NKAIN2: variants seen among roughly 807,000 people sequenced by gnomAD.
The protein encoded by NKAIN2 is sodium/potassium-transporting ATPase subunit beta-1-interacting protein 2.
In NKAIN2, 14 loss-of-function variants were observed where a neutral mutation model predicts 32.6. The observed-to-expected ratio is 0.43, with a 90% CI of 0.28 to 0.67. NKAIN2 has a LOEUF of 0.67. NKAIN2 is among the 30% of genes least tolerant of loss of function. The pLI, the probability that NKAIN2 is intolerant of heterozygous loss-of-function variation, is 0.17. For missense variants in NKAIN2, 198 were observed against 258.3 expected (o/e 0.77, Z 1.60); for synonymous variants, 80 against 87.2 (o/e 0.92, Z 0.46).
intron 1 of NKAIN2, among the ~76,000 whole-genome samples, chr6:124,007,359 T>G (rs1186328906): frequency 6.6e-6 from 1 of 152,140 alleles, no homozygotes; most frequent in Non-Finnish European, 1.5e-5. Flanking sequence ...ATAAGTAGAT[T>G]TTATGTCCCC....
At chr6:124,151,673 C>T (rs1276809602) in intron 1 of NKAIN2, among the ~76,000 whole-genome samples, 1 of 151,922 alleles carries the variant, frequency 6.6e-6, no homozygotes, top group Non-Finnish European at 1.5e-5. Context: ...ATTGTCTACC[C>T]TTTTCATTTT....
At chr6:124,300,319 A>G (rs1325874794) in intron 2 of NKAIN2, among the ~76,000 whole-genome samples, 1 of 152,142 alleles carries the variant, frequency 6.6e-6, no homozygotes, top group African/African-American at 2.4e-5. Flanking sequence ...GCTGCCACCC[A>G]TGTAACACAT....
chr6:123,848,285 C>G (rs9490966), intron 1 of NKAIN2, among the ~76,000 whole-genome samples: 2 of 152,152 alleles, frequency 1.3e-5, no homozygotes, highest in Admixed American at 1.3e-4. Flanking sequence ...TGCCAACTAC[C>G]GTATGATTCT....
chr6:124,483,530 A>G (rs964105639), intron 3 of NKAIN2, among the ~76,000 whole-genome samples: 4 of 152,142 alleles, frequency 2.6e-5, no homozygotes, highest in Non-Finnish European at 5.9e-5. Context: ...TTTTAGTTTA[A>G]ACCTAGAAAA....
intron 1 of NKAIN2, among the ~76,000 whole-genome samples, chr6:123,910,589 C>T (rs777767849): frequency 6.7e-6 from 1 of 148,748 alleles, no homozygotes; most frequent in Non-Finnish European, 1.5e-5. Flanking sequence ...TTGCAACCTC[C>T]GCCTCTCAGG....
chr6:123,930,860 T>C (rs1305244172), intron 1 of NKAIN2, among the ~76,000 whole-genome samples: 2 of 152,102 alleles, frequency 1.3e-5, no homozygotes, highest in Non-Finnish European at 2.9e-5. Context: ...CAGAACTAAG[T>C]AGAAGAGTGT....
intron 4 of NKAIN2, among the ~76,000 whole-genome samples, chr6:124,680,293 C>T (rs1773553685): frequency 6.6e-6 from 1 of 152,080 alleles, no homozygotes; most frequent in African/African-American, 2.4e-5. Flanking sequence ...CCAAGAGATG[C>T]TGTGGCAGTT....
At chr6:124,704,284 A>C (rs1483059195) in intron 4 of NKAIN2, among the ~76,000 whole-genome samples, 1 of 151,578 alleles carries the variant, frequency 6.6e-6, no homozygotes, top group Non-Finnish European at 1.5e-5. Context: ...GCTTCCTAGA[A>C]AAAAAAATCA....
intron 4 of NKAIN2, among the ~76,000 whole-genome samples, chr6:124,745,365 G>T (rs528814160): frequency 2.0e-5 from 3 of 151,806 alleles, no homozygotes. Context: ...AGATTTTACC[G>T]TCTAATATGA....
intron 1 of NKAIN2, among the ~76,000 whole-genome samples, chr6:124,230,973 G>A (rs12528116): frequency 0.13 from 19,521 of 152,128 alleles, 1,595 homozygotes; most frequent in East Asian, 0.21. Context: ...GGCAGCTTGC[G>A]CTCTGCATCT....
intron 3 of NKAIN2, among the ~76,000 whole-genome samples, chr6:124,483,231 C>T (rs1321441830): frequency 6.6e-6 from 1 of 152,052 alleles, no homozygotes; most frequent in South Asian, 2.1e-4. Context: ...TATCAAGTTC[C>T]GATGATCATA....
chr6:124,412,143 G>A (rs524030), intron 3 of NKAIN2, among the ~76,000 whole-genome samples: 23,294 of 151,970 alleles, frequency 0.15, 2,208 homozygotes, highest in East Asian at 0.24. Flanking sequence ...CCTTTAGCTC[G>A]GAGTAGTTCG....
intron 3 of NKAIN2, among the ~76,000 whole-genome samples, chr6:124,367,310 G>A (rs928037119): frequency 6.6e-6 from 1 of 152,112 alleles, no homozygotes; most frequent in Non-Finnish European, 1.5e-5. Flanking sequence ...AAAATGTCAG[G>A]CATATGAACA....
At chr6:123,827,262 A>G (rs1170854193) in intron 1 of NKAIN2, among the ~76,000 whole-genome samples, 2 of 152,170 alleles carry the variant, frequency 1.3e-5, no homozygotes, top group Admixed American at 1.3e-4. Flanking sequence ...GTTGAAGTGT[A>G]TTAATGATCA....
chr6:124,210,712 T>G (rs564732951), intron 1 of NKAIN2, among the ~76,000 whole-genome samples: 41 of 151,644 alleles, frequency 2.7e-4, no homozygotes, highest in African/African-American at 8.2e-4. Flanking sequence ...TCTTGATTTT[T>G]TTTGTTTGTT....
intron 1 of NKAIN2, among the ~76,000 whole-genome samples, chr6:123,812,718 A>C (rs9490941): frequency 0.033 from 4,965 of 152,282 alleles, 294 homozygotes; most frequent in African/African-American, 0.11. Flanking sequence ...ATCTCAGCCT[A>C]CATATTTGCC....
At chr6:123,894,138 T>C (rs1188691230) in intron 1 of NKAIN2, among the ~76,000 whole-genome samples, 2 of 152,186 alleles carry the variant, frequency 1.3e-5, no homozygotes, top group South Asian at 2.1e-4. Context: ...GGCATTTTTT[T>C]CAGTTTTTTT....
intron 3 of NKAIN2, among the ~76,000 whole-genome samples, chr6:124,641,650 A>G (rs1341014600): frequency 1.4e-5 from 2 of 143,648 alleles, no homozygotes; most frequent in Non-Finnish European, 1.5e-5. Flanking sequence ...CTCCTGGGCT[A>G]AAGCGATTCT....
intron 1 of NKAIN2, among the ~76,000 whole-genome samples, chr6:123,955,196 C>CAAAAAAAAAAAAAAAAAAAAAAAAA (rs5879708): frequency 1.9e-5 from 2 of 105,042 alleles, no homozygotes; most frequent in Non-Finnish European, 4.3e-5. Flanking sequence ...ACAGAAAAAC[C>CAAAAAAAAAAAAAAAAAAAAAAAAA]AAAAAAAAAA....
Sources: gnomAD v4.1 joint callset for allele counts (sites outside exome capture counted in the v4.1 genomes callset) on GRCh38, gnomAD v4.1.1 for gene constraint, MANE v1.5 for transcripts, NCBI Gene and HGNC (gene_info 2026-07-23, HGNC 2026-07-21) for gene names.